The following SLC45A4 variants were observed in gnomAD, a reference collection of about 807,000 sequenced individuals.
The protein encoded by SLC45A4 is polyamine-transporter SLC45A4.
Under a neutral mutation model 63.7 loss-of-function variants are expected in SLC45A4, and 32 were observed. That is an observed-to-expected ratio of 0.50 (90% CI 0.38 to 0.67). The LOEUF is 0.67. SLC45A4 is among the 30% of genes least tolerant of loss of function. The pLI is 0.00. For synonymous variants in SLC45A4, 535 were observed against 510.0 expected (o/e 1.05, Z -0.66); for missense variants, 1,027 against 1,157.7 (o/e 0.89, Z 1.64).
At position 141,218,854 on chromosome 8, in the gene SLC45A4, C is replaced by T; in HGVS notation, c.786G>A (p.Gln262=). 1 of 1,613,436 alleles carries T rather than the reference C, an allele frequency of 6.2e-7. No homozygotes were observed. The highest frequency in any genetic ancestry group is 1.3e-5 in the African/African-American group (1 of 75,062). Residue 262 remains glutamine (Q), a synonymous_variant, in exon 5 of 9, where the codon CAG becomes CAA. Coordinates refer to ENST00000517878, the MANE Select transcript of SLC45A4 (RefSeq NM_001286646.2). ...SIDEEQYSPQ[Q]ERSAEEPGAL... is the part of the protein sequence containing the mutation. ...CGCCGGGCTCCTCAGCGCTGCGCTC[C>T]TGCTGCGGGCTGTACTGCTCCTCGT...
At chr8:141,271,263 G>C (rs1473143701) in intron 1 of SLC45A4, among the ~76,000 whole-genome samples, 1 of 152,220 alleles carries the variant, frequency 6.6e-6, no homozygotes, top group African/African-American at 2.4e-5. Context: ...GTAGGATGCT[G>C]GTGGCAAGGC....
Position 141,218,062 on chromosome 8 carries a change from G to C in SLC45A4, c.1578C>G (p.Ala526=). 6.2e-7 allele frequency: 1 copy of C among 1,612,686 alleles called. No individual in the cohort carries two copies. The highest frequency in any genetic ancestry group is 1.1e-5 in the South Asian group (1 of 91,074). Reference sequence around the variant, plus strand: ...GGCCCATGAAGTCGGTGTAGAACACGGCCTCGGCGATGACAGAGAACCAGG... The same window carrying C: ...GGCCCATGAAGTCGGTGTAGAACACCGCCTCGGCGATGACAGAGAACCAGG... ...LLTWFSVIAE[A]VFYTDFMGQV... Residue 526 remains alanine (A), a synonymous_variant, in exon 5 of 9, where the codon GCC becomes GCG. Coordinates refer to ENST00000517878, the MANE Select transcript of SLC45A4 (RefSeq NM_001286646.2).
At chr8:141,269,894 A>C (rs1445426990) in intron 1 of SLC45A4, among the ~76,000 whole-genome samples, 1 of 152,144 alleles carries the variant, frequency 6.6e-6, no homozygotes, top group Non-Finnish European at 1.5e-5. Flanking sequence ...GTATGGCCAC[A>C]GTGTGTCTAT....
intron 7 of SLC45A4, among the ~76,000 whole-genome samples, chr8:141,213,831 G>C (rs557682927): frequency 6.6e-6 from 1 of 152,320 alleles, no homozygotes; most frequent in Admixed American, 6.5e-5. Context: ...CATCACATTA[G>C]ATCATAAGAG....
intron 1 of SLC45A4, among the ~76,000 whole-genome samples, chr8:141,304,221 G>T (rs1262764702): frequency 1.3e-5 from 2 of 152,028 alleles, no homozygotes; most frequent in Non-Finnish European, 2.9e-5. Flanking sequence ...GAGCCTAGGG[G>T]TTCAAGACCT....
At chr8:141,241,166 G>A (rs1285326127) in intron 2 of SLC45A4, among the ~76,000 whole-genome samples, 1 of 152,260 alleles carries the variant, frequency 6.6e-6, no homozygotes, top group African/African-American at 2.4e-5. Flanking sequence ...TGGAAATGTA[G>A]TGCATAACAC....
intron 2 of SLC45A4, among the ~76,000 whole-genome samples, chr8:141,241,835 G>A (rs1359807970): frequency 2.6e-5 from 4 of 152,218 alleles, no homozygotes; most frequent in African/African-American, 7.2e-5. Flanking sequence ...AGAAAAGGAC[G>A]TGGCTGTGTG....
rs1829706614 is a variant in SLC45A4, at chr8:141,275,797, C to T, written c.-400-21168G>A. Among the ~76,000 whole-genome samples the T allele has an allele frequency of 5.9e-5, 9 of 152,136 alleles. No individual in the cohort carries two copies. The South Asian group carries it at 1.9e-3, about 31-fold the overall frequency. Reference sequence around the variant, plus strand: ...TACTTACCCACTACCTAAGTTTAAGCAGGTTAAAACTACATTATGATCACA... The same window carrying T: ...TACTTACCCACTACCTAAGTTTAAGTAGGTTAAAACTACATTATGATCACA... On this transcript the variant is annotated intron_variant, in intron 1 of 8. Transcript: ENST00000517878.
At chr8:141,241,801 C>G (rs1199793746) in intron 2 of SLC45A4, among the ~76,000 whole-genome samples, 1 of 152,204 alleles carries the variant, frequency 6.6e-6, no homozygotes, top group Non-Finnish European at 1.5e-5. Context: ...GGAGGGACCA[C>G]TGCTTCTGCT....
intron 1 of SLC45A4, among the ~76,000 whole-genome samples, chr8:141,283,939 A>T (rs1830050120): frequency 1.3e-5 from 2 of 152,178 alleles, no homozygotes; most frequent in African/African-American, 4.8e-5. Flanking sequence ...GCTCAAACCC[A>T]ATCAGGCTGT....
At chr8:141,293,578 G>T (rs1213102143) in intron 1 of SLC45A4, among the ~76,000 whole-genome samples, 1 of 152,246 alleles carries the variant, frequency 6.6e-6, no homozygotes, top group Admixed American at 6.5e-5. Flanking sequence ...AGAGTGTTGG[G>T]ACAAGGGGGA....
In SLC45A4 at chr8:141,227,473, C is replaced by T. The variant is rs973436264; in HGVS notation, c.242-5708G>A. ...GCTGGGACCAAATGCCACAGTGCGG[C>T]GAAACTCGTGAGCACAAGTCCTGCG... On this transcript the variant is annotated intron_variant, in intron 2 of 8. Coordinates refer to ENST00000517878, the MANE Select transcript of SLC45A4 (RefSeq NM_001286646.2). This position sits in a 1 kb window ranked among gnomAD's most constrained non-coding sequence, Gnocchi z 4.4. 1.3e-5 allele frequency among the ~76,000 whole-genome samples: 2 copies of T among 152,190 alleles called. No homozygotes were observed. The highest frequency in any genetic ancestry group is 6.5e-5 in the Admixed American group (1 of 15,284).
At chr8:141,305,895 GT>G (rs111836740) in intron 1 of SLC45A4, among the ~76,000 whole-genome samples, 65,680 of 152,162 alleles carry the variant, frequency 0.43, 15,335 homozygotes, top group Non-Finnish European at 0.52. Flanking sequence ...CATCGGGAAA[GT>G]GGGGAGCTGC....
chr8:141,277,789 A>G (rs903595652), intron 1 of SLC45A4, among the ~76,000 whole-genome samples: 6 of 151,810 alleles, frequency 4.0e-5, no homozygotes, highest in South Asian at 2.1e-4. Context: ...ACAGGCGCCC[A>G]CCACCACGCC....
chr8:141,250,706 A>G (rs1279989261), intron 2 of SLC45A4, among the ~76,000 whole-genome samples: 1 of 152,218 alleles, frequency 6.6e-6, no homozygotes, highest in African/African-American at 2.4e-5. Flanking sequence ...GGCATGGTTA[A>G]GGAAGGTGAG....
intron 1 of SLC45A4, among the ~76,000 whole-genome samples, chr8:141,266,073 A>G (rs1829252452): frequency 6.6e-6 from 1 of 152,046 alleles, no homozygotes; most frequent in South Asian, 2.1e-4. Flanking sequence ...GCTGACACAC[A>G]CCTCAAGCTT....
chr8:141,211,642 A>G lies in SLC45A4; in HGVS notation c.2357T>C (p.Leu786Pro). Residue 786 changes from leucine (L) to proline (P), a missense_variant, in exon 9 of 9, where the codon CTG (leucine) becomes CCG (proline). Transcript: ENST00000517878. ...QISSHWLVPQLLESIFLYDYF... is the reference protein window; with the variant it reads ...QISSHWLVPQPLESIFLYDYF... ...ATCATAAAGAAAAATACTCTCCAACAGCTGCGGCACCAGCCAATGTGACGA... is the reference window on the plus strand; with the variant it reads ...ATCATAAAGAAAAATACTCTCCAACGGCTGCGGCACCAGCCAATGTGACGA... 1 of 1,610,980 alleles carries G rather than the reference A, an allele frequency of 6.2e-7. No individual in the cohort carries two copies. The highest frequency in any genetic ancestry group is 8.5e-7 in the Non-Finnish European group (1 of 1,178,728).
At chr8:141,296,197 G>A (rs1830543964) in intron 1 of SLC45A4, among the ~76,000 whole-genome samples, 1 of 152,076 alleles carries the variant, frequency 6.6e-6, no homozygotes, top group Non-Finnish European at 1.5e-5. Context: ...CAGACATGGT[G>A]GTTCATACCT....
intron 1 of SLC45A4, among the ~76,000 whole-genome samples, chr8:141,297,710 T>C (rs1830610489): frequency 6.6e-6 from 1 of 152,248 alleles, no homozygotes; most frequent in African/African-American, 2.4e-5. Flanking sequence ...GGACTTTCCA[T>C]TTGCAGAGAT....
Sources: allele counts gnomAD v4.1 joint callset (sites outside exome capture counted in the v4.1 genomes callset), GRCh38; gene constraint gnomAD v4.1.1; non-coding constraint Gnocchi (gnomAD v3.1); transcripts MANE v1.5; gene names NCBI Gene and HGNC (gene_info 2026-07-23, HGNC 2026-07-21).